EHBP1: variants seen among roughly 807,000 people sequenced by gnomAD.
EHBP1 encodes the protein EH domain binding protein 1.
In EHBP1, 55 loss-of-function variants were observed where a neutral mutation model predicts 144.0. That is an observed-to-expected ratio of 0.38 (90% CI 0.31 to 0.48). The LOEUF (loss-of-function observed/expected upper bound fraction) is 0.48, where lower values mean the gene tolerates loss of function less well. Ranked by LOEUF, EHBP1 falls within the 20% of genes least tolerant of loss-of-function variation. EHBP1 has a pLI of 0.98. For missense variants in EHBP1, 1,200 were observed against 1,364.2 expected (o/e 0.88, Z 1.90); for synonymous variants, 469 against 472.7 (o/e 0.99, Z 0.10).
intron 19 of EHBP1, among the ~76,000 whole-genome samples, chr2:63,014,107 A>C (rs982646828): frequency 1.3e-5 from 2 of 152,214 alleles, no homozygotes; most frequent in Admixed American, 1.3e-4. Context: ...CTTTTGTCAC[A>C]AGATTATTAG....
intron 19 of EHBP1, among the ~76,000 whole-genome samples, chr2:63,015,386 A>T (rs2060444486): frequency 6.6e-6 from 1 of 152,184 alleles, no homozygotes; most frequent in African/African-American, 2.4e-5. Flanking sequence ...CTAATTCTTT[A>T]CTTTTTATTA....
At chr2:62,860,548 T>C (rs1022234469) in intron 8 of EHBP1, among the ~76,000 whole-genome samples, 2 of 152,136 alleles carry the variant, frequency 1.3e-5, no homozygotes, top group Admixed American at 1.3e-4. Flanking sequence ...CCTCTTTTCA[T>C]AGATTAGGAA....
chr2:62,849,589 A>C (rs2048537536), intron 7 of EHBP1, among the ~76,000 whole-genome samples: 1 of 152,224 alleles, frequency 6.6e-6, no homozygotes, highest in Admixed American at 6.5e-5. Flanking sequence ...ACATGCATAG[A>C]CATAGAGATA....
At chr2:62,908,938 C>A (rs750168218) in intron 10 of EHBP1, among the ~76,000 whole-genome samples, 2 of 152,084 alleles carry the variant, frequency 1.3e-5, no homozygotes, top group African/African-American at 4.8e-5. Flanking sequence ...GTGGTTGGCA[C>A]TTAGTAATGT....
chr2:62,766,447 G>A (rs180751983), intron 4 of EHBP1, among the ~76,000 whole-genome samples: 60 of 152,290 alleles, frequency 3.9e-4, no homozygotes, highest in Non-Finnish European at 1.3e-4. Context: ...GAGAGACCCA[G>A]TAGGGAAATA....
At chr2:62,682,305 G>C (rs1233985112) in intron 1 of EHBP1, among the ~76,000 whole-genome samples, 2 of 152,210 alleles carry the variant, frequency 1.3e-5, no homozygotes, top group Non-Finnish European at 2.9e-5. Context: ...GTCTGTCTGT[G>C]TGTCCTTCAT....
intron 15 of EHBP1, among the ~76,000 whole-genome samples, chr2:62,980,911 A>AT (rs889607260): frequency 6.7e-6 from 1 of 148,644 alleles, no homozygotes; most frequent in Non-Finnish European, 1.5e-5. Context: ...TAAAAAAAAA[A>AT]TTTTTTTTAA....
At chr2:62,843,947 A>T (rs549101160) in intron 7 of EHBP1, among the ~76,000 whole-genome samples, 1 of 152,326 alleles carries the variant, frequency 6.6e-6, no homozygotes, top group African/African-American at 2.4e-5. Flanking sequence ...CACAGTTTTT[A>T]TGGAGGAATT....
At chr2:62,848,090 T>C (rs1471326328) in intron 7 of EHBP1, among the ~76,000 whole-genome samples, 2 of 150,452 alleles carry the variant, frequency 1.3e-5, no homozygotes, top group African/African-American at 2.5e-5. Flanking sequence ...TTTTTTTTTT[T>C]TTTTTCTTGA....
chr2:62,790,487 A>G (rs773358591), intron 5 of EHBP1, among the ~76,000 whole-genome samples: 1 of 152,184 alleles, frequency 6.6e-6, no homozygotes, highest in Non-Finnish European at 1.5e-5. Flanking sequence ...AACATTAAAC[A>G]TTTAGAGAAC....
rs190840572 is a variant in EHBP1, at chr2:62,760,833, T to C, written c.163-3433T>C. Among the ~76,000 whole-genome samples, 469 of 152,362 alleles carry C rather than the reference T, an allele frequency of 3.1e-3. 3 individuals carry two copies. The highest frequency in any genetic ancestry group is 0.011 in the African/African-American group (443 of 41,584). ...TGCAAACCATTTACTCTTTGCTTGC[T>C]TCAATTTCCTTATCCAGATCTGAAT... On this transcript the variant is annotated intron_variant, in intron 3 of 22. Coordinates refer to ENST00000431489, the MANE Select transcript of EHBP1 (RefSeq NM_001142616.3).
intron 10 of EHBP1, among the ~76,000 whole-genome samples, chr2:62,906,503 A>G (rs759848078): frequency 2.0e-5 from 3 of 152,238 alleles, no homozygotes; most frequent in African/African-American, 7.2e-5. Flanking sequence ...TGTATAGTAT[A>G]CAAGTATTAC....
At position 62,864,713 on chromosome 2, in the gene EHBP1, T is replaced by C. The variant is rs1248320384; in HGVS notation, c.758-18T>C. 2 of 1,592,028 alleles carry C rather than the reference T, an allele frequency of 1.3e-6. No homozygotes were observed. Among genetic ancestry groups the C allele is most frequent in the Non-Finnish European group, 8.5e-7 (1 of 1,170,668 alleles). On this transcript the variant is annotated intron_variant, in intron 8 of 22. Coordinates refer to ENST00000431489, the MANE Select transcript of EHBP1 (RefSeq NM_001142616.3). ...TATGGTATTCATGTGATTTAATTCA[T>C]CTGCTATTATTTTATAGAACCTATC... is the stretch of plus-strand genomic sequence containing the variant.
chr2:62,821,730 G>A (rs1300092604), intron 5 of EHBP1, among the ~76,000 whole-genome samples: 1 of 152,142 alleles, frequency 6.6e-6, no homozygotes, highest in African/African-American at 2.4e-5. Context: ...TAACAGTTAT[G>A]CCATTGAACT....
chr2:62,898,328 A>G lies in EHBP1; in HGVS notation c.1185+23796A>G, dbSNP rs1044432303. Among the ~76,000 whole-genome samples the G allele has an allele frequency of 7.9e-5, 12 of 152,318 alleles. No homozygotes were observed. In the South Asian group the frequency reaches 2.3e-3, roughly 29 times the overall value. On this transcript the variant is annotated intron_variant, in intron 10 of 22. Transcript: ENST00000431489. Reference sequence around the variant, plus strand: ...GTCAGGCACAGTTATTGTTTTCTTTAAATAACAGAAAACCTGAGGGGTGAG... The same window carrying G: ...GTCAGGCACAGTTATTGTTTTCTTTGAATAACAGAAAACCTGAGGGGTGAG...
At chr2:63,000,372 G>T (rs1054855673) in intron 19 of EHBP1, among the ~76,000 whole-genome samples, 1 of 151,946 alleles carries the variant, frequency 6.6e-6, no homozygotes, top group Non-Finnish European at 1.5e-5. Flanking sequence ...TGCTGTGTAT[G>T]TGAGTGTGTG....
In EHBP1 at chr2:62,948,587, G is replaced by A. The variant is rs2057200299; in HGVS notation, c.1741G>A (p.Val581Ile). The change falls in exon 13 of 23, where the codon GTA becomes ATA. Residue 581 changes from valine to isoleucine, a missense_variant. Around this residue, in one of 6 missense-constraint regions of EHBP1, gnomAD observed 543 missense variants for 513.1 expected, o/e 1.06. Coordinates refer to ENST00000431489, the MANE Select transcript of EHBP1 (RefSeq NM_001142616.3). ...DFLSQDDSVF[V>I]NDSGVGESES... ...CTTATCACAGGATGACTCTGTATTT[G>A]TAAATGATAGCGGGGTTGGAGAGTC... 3 of 1,613,934 alleles carry A rather than the reference G, an allele frequency of 1.9e-6. No homozygotes were observed. The highest frequency in any genetic ancestry group is 1.7e-5 in the Admixed American group (1 of 59,998).
At chr2:62,823,959 A>G (rs2046165045) in intron 5 of EHBP1, among the ~76,000 whole-genome samples, 2 of 152,028 alleles carry the variant, frequency 1.3e-5, no homozygotes, top group African/African-American at 4.8e-5. Context: ...CTAAGCAAAT[A>G]ATTGCTTAAG....
intron 1 of EHBP1, 60 bp from the exon 2 acceptor site, chr2:62,706,837 T>G (rs2034638399): frequency 4.8e-6 from 1 of 209,806 alleles, no homozygotes; most frequent in South Asian, 8.6e-5. Context: ...GGGTGGTTAG[T>G]CATTTCTCAT....
Sources: gnomAD v4.1 joint callset for allele counts (sites outside exome capture counted in the v4.1 genomes callset) on GRCh38, gnomAD v4.1.1 for gene constraint, gnomAD v4.1.1 regional missense constraint, MANE v1.5 for transcripts, NCBI Gene and HGNC (gene_info 2026-07-23, HGNC 2026-07-21) for gene names.